Variants in GPR146 observed in about 807,000 individuals in gnomAD.
The protein encoded by GPR146 is G-protein coupled receptor 146.
For missense variants in GPR146, 381 were observed against 213.9 expected (o/e 1.78, Z -4.87); for synonymous variants, 203 against 104.3 (o/e 1.95, Z -5.77).
In GPR146 at chr7:1,052,907, C is replaced by T. The variant is rs1194675492; in HGVS notation, c.-24-4585C>T. ...TCTTTCATCGCCGCCACAACAAACT[C>T]AGGCTTTCGTGTAGGAAAAGAGCCC... On this transcript the variant is annotated intron_variant, in intron 1 of 1. Coordinates refer to ENST00000444847, the MANE Select transcript of GPR146 (RefSeq NM_001303473.2). This position sits in a 1 kb window ranked among gnomAD's most constrained non-coding sequence, Gnocchi z 4.2. Among the ~76,000 whole-genome samples the T allele has an allele frequency of 6.6e-6, 1 of 152,186 alleles. No homozygotes were observed. The highest frequency in any genetic ancestry group is 2.4e-5 in the African/African-American group (1 of 41,444).
intron 1 of GPR146, among the ~76,000 whole-genome samples, chr7:1,048,146 G>A (rs993762522): frequency 2.0e-5 from 3 of 152,166 alleles, no homozygotes; most frequent in East Asian, 1.9e-4. Context: ...CTGAGAGAAC[G>A]AGGGGAAGCG....
At chr7:1,054,513 G>A (rs550884408) in intron 1 of GPR146, among the ~76,000 whole-genome samples, 14 of 152,356 alleles carry the variant, frequency 9.2e-5, no homozygotes, top group East Asian at 7.7e-4. Context: ...TGGGACGCAC[G>A]TGAGCGCAGG....
At chr7:1,047,686 G>A (rs777898745) in intron 1 of GPR146, among the ~76,000 whole-genome samples, 41 of 152,260 alleles carry the variant, frequency 2.7e-4, no homozygotes, top group African/African-American at 9.4e-4. Context: ...GGAGCTGGCC[G>A]TGGCCTTTCC....
chr7:1,045,254 T>G (rs1782470497), intron 1 of GPR146: 1 of 152,224 alleles, frequency 6.6e-6, no homozygotes, highest in South Asian at 2.1e-4. Flanking sequence ...CTATGAATCT[T>G]GATGTGACTG....
chr7:1,054,137 C>T (rs1000523743), intron 1 of GPR146, among the ~76,000 whole-genome samples: 9 of 152,232 alleles, frequency 5.9e-5, no homozygotes, highest in East Asian at 5.8e-4. Context: ...CGGAGCAGCC[C>T]GCCCCAGCTG....
At chr7:1,045,050 C>A (rs1782452561) in intron 1 of GPR146, among the ~76,000 whole-genome samples, 1 of 152,244 alleles carries the variant, frequency 6.6e-6, no homozygotes, top group South Asian at 2.1e-4. Context: ...AGTTTTGGAT[C>A]TGTGTCTACA....
chr7:1,050,921 CT>C (rs961913663), intron 1 of GPR146, among the ~76,000 whole-genome samples: 5 of 152,228 alleles, frequency 3.3e-5, no homozygotes, highest in Non-Finnish European at 4.4e-5. Flanking sequence ...TCCTGCTTAG[CT>C]GGGCCTCACC....
rs535489470 is a variant in GPR146, at chr7:1,054,608, C to G, written c.-24-2884C>G. Among the ~76,000 whole-genome samples the G allele has an allele frequency of 1.5e-3, 222 of 152,382 alleles. 1 individual carries two copies. Among genetic ancestry groups the G allele is most frequent in the Non-Finnish European group, 2.2e-4 (15 of 68,036 alleles). ...AGCCCTGCAGACGCTGGCTGCCTCC[C>G]TCTGACTTGGCCTCACGGCGGGGCA... On this transcript the variant is annotated intron_variant, in intron 1 of 1. Transcript: ENST00000444847.
At chr7:1,050,058 C>T (rs1186678404) in intron 1 of GPR146, among the ~76,000 whole-genome samples, 1 of 152,230 alleles carries the variant, frequency 6.6e-6, no homozygotes, top group African/African-American at 2.4e-5. Context: ...GCAGGGCCCC[C>T]TCAGCGGGCC....
Position 1,058,006 on chromosome 7 carries a change from T to C in GPR146, c.491T>C (p.Leu164Pro). The C allele has an allele frequency of 1.3e-6, 1 of 770,010 alleles. No individual in the cohort carries two copies. The highest frequency in any genetic ancestry group is 1.7e-5 in the Admixed American group (1 of 59,036). 47.7% of individuals were successfully genotyped at this position (770,010 alleles called of 1,614,324 possible). A position where few individuals can be genotyped will look rare whatever the true frequency, so the allele number is the denominator to read the frequency against. The change falls in exon 2 of 2, where the codon CTC becomes CCC. Residue 164 changes from leucine to proline, a missense_variant. Leu to Pro is a moderately conservative substitution (Grantham distance 98). Coordinates refer to ENST00000444847, the MANE Select transcript of GPR146 (RefSeq NM_001303473.2). The part of the protein sequence containing the change: ...GALLTSFSSL[L>P]FYICSHVSTR... The stretch of plus-strand genomic sequence containing the variant: ...CTGCTGACCAGCTTCTCCTCGCTGC[T>C]CTTCTACATCTGCAGCCATGTGTCC...
At chr7:1,053,319 G>A (rs915476007) in intron 1 of GPR146, among the ~76,000 whole-genome samples, 23 of 152,238 alleles carry the variant, frequency 1.5e-4, no homozygotes, top group African/African-American at 4.3e-4. Context: ...GCGGGGGAGG[G>A]GCGTCCACAG....
At chr7:1,050,012 G>A (rs114065554) in intron 1 of GPR146, among the ~76,000 whole-genome samples, 247 of 152,152 alleles carry the variant, frequency 1.6e-3, no homozygotes, top group African/African-American at 5.4e-3. Flanking sequence ...CAGGACACAC[G>A]GGCCCTCCCA....
chr7:1,053,506 G>A (rs1285795603), intron 1 of GPR146, among the ~76,000 whole-genome samples: 1 of 152,204 alleles, frequency 6.6e-6, no homozygotes, highest in East Asian at 1.9e-4. Flanking sequence ...GTGGTTCTGT[G>A]GGTGCCCCCT....
chr7:1,046,943 G>A (rs1029558419), intron 1 of GPR146, among the ~76,000 whole-genome samples: 3 of 152,220 alleles, frequency 2.0e-5, no homozygotes, highest in East Asian at 1.9e-4. Context: ...TTAAGGCCAC[G>A]CCTAGTAAAC....
At chr7:1,045,278 ATC>A (rs1378537709) in intron 1 of GPR146, 1 of 152,264 alleles carries the variant, frequency 6.6e-6, no homozygotes, top group Non-Finnish European at 1.5e-5. Context: ...ACAGTGGCTT[ATC>A]TCTGCATGCA....
At chr7:1,055,576 C>T in intron 1 of GPR146, 1 of 390,536 alleles carries the variant, frequency 2.6e-6, no homozygotes, top group South Asian at 1.8e-5. Context: ...CTCTGTGCAG[C>T]ACAGGTGGGA....
At chr7:1,047,806 G>T (rs191030692) in intron 1 of GPR146, among the ~76,000 whole-genome samples, 1 of 152,184 alleles carries the variant, frequency 6.6e-6, no homozygotes, top group African/African-American at 2.4e-5. Flanking sequence ...AATAAGAAGC[G>T]CTGAGTCCCC....
At chr7:1,047,612 T>C (rs1782698979) in intron 1 of GPR146, among the ~76,000 whole-genome samples, 1 of 152,252 alleles carries the variant, frequency 6.6e-6, no homozygotes, top group Admixed American at 6.5e-5. Flanking sequence ...TTTGAAAGCA[T>C]TTTGATTGTT....
intron 1 of GPR146, among the ~76,000 whole-genome samples, chr7:1,046,053 G>GT (rs1782546338): frequency 6.6e-6 from 1 of 151,902 alleles, no homozygotes; most frequent in African/African-American, 2.4e-5. Context: ...GTGGGTCTTA[G>GT]GTTAGGATGT....
Sources: allele counts gnomAD v4.1 joint callset (sites outside exome capture counted in the v4.1 genomes callset), GRCh38; gene constraint gnomAD v4.1.1; non-coding constraint Gnocchi (gnomAD v3.1); transcripts MANE v1.5; gene names NCBI Gene and HGNC (gene_info 2026-07-23, HGNC 2026-07-21).